The following WDR48 variants were observed in gnomAD, a reference collection of about 807,000 sequenced individuals.
The protein encoded by WDR48 is WD repeat domain 48.
Under a neutral mutation model 94.0 loss-of-function variants are expected in WDR48, and 22 were observed. The ratio of observed to expected loss-of-function variants is 0.23; its 90% CI spans 0.17 to 0.33. The LOEUF (loss-of-function observed/expected upper bound fraction) is 0.33. WDR48 is among the 10% of genes least tolerant of loss of function. The probability of loss-of-function intolerance (pLI) is 1.00; values close to 1 mark genes in which losing one functional copy is unlikely to be tolerated. For synonymous variants in WDR48, 278 were observed against 280.5 expected (o/e 0.99, Z 0.09); for missense variants, 541 against 813.8 (o/e 0.66, Z 4.08).
chr3:39,075,045 C>T (rs2034141348), intron 8 of WDR48, 95 bp downstream of exon 8: 3 of 1,265,648 alleles, frequency 2.4e-6, no homozygotes, highest in African/African-American at 3.0e-5. Flanking sequence ...GACTCAACTG[C>T]AGGGTTCGGA....
intron 1 of WDR48, 148 bp downstream of exon 1, chr3:39,052,221 C>A: frequency 1.1e-6 from 1 of 881,548 alleles, no homozygotes; most frequent in Non-Finnish European, 1.7e-6. Flanking sequence ...GGTGGGGCCG[C>A]GGCGCTAACG....
chr3:39,093,794 T>A, intron 17 of WDR48, 80 bp from the exon 18 acceptor site: 1 of 1,322,614 alleles, frequency 7.6e-7, no homozygotes, highest in Non-Finnish European at 9.8e-7. Context: ...TTAAAATGTT[T>A]GCATCAAAGA....
Position 39,069,891 on chromosome 3 carries a change from A to G in WDR48, c.672+147A>G, listed in dbSNP as rs186397431. The G allele has an allele frequency of 2.5e-4, 143 of 570,434 alleles. 1 individual carries two copies. The African/African-American group carries it at 2.6e-3, about 10-fold the overall frequency. 35.3% of individuals were successfully genotyped at this position (570,434 alleles called of 1,614,324 possible). A position where few individuals can be genotyped will look rare whatever the true frequency, so the allele number is the denominator to read the frequency against. On this transcript the variant is annotated intron_variant, in intron 7 of 18. Transcript: ENST00000302313. ...AATTTTAAAATACTAAATTGCACAT[A>G]TAAGCTACATTTAAAAACTATTCTA... is the stretch of plus-strand genomic sequence containing the variant.
chr3:39,066,660 G>A lies in WDR48; in HGVS notation c.351+30G>A, dbSNP rs200047703. On this transcript the variant is annotated intron_variant, in intron 4 of 18. Coordinates refer to ENST00000302313, the MANE Select transcript of WDR48 (RefSeq NM_020839.4). ...AACAATACAGTTCTCAGTGTCTTTA[G>A]TGTAATATTGGGATCTCAGTACTTT... 4 of 1,613,100 alleles carry A rather than the reference G, an allele frequency of 2.5e-6. No individual in the cohort carries two copies. In the South Asian group the frequency reaches 3.3e-5, roughly 13 times the overall value.
At chr3:39,071,008 G>T (rs944561334) in intron 7 of WDR48, among the ~76,000 whole-genome samples, 2 of 152,150 alleles carry the variant, frequency 1.3e-5, no homozygotes, top group African/African-American at 4.8e-5. Context: ...CAAAGGACAT[G>T]AACTCATCAT....
In WDR48 at chr3:39,052,312, G is replaced by A. The variant is rs895424291; in HGVS notation, c.48+239G>A. ...CCCTCGTGGGCGGCATTCTGAGCCC[G>A]GGATTGCTTGTCGCCGCTCTTCTGT... On this transcript the variant is annotated intron_variant, in intron 1 of 18. Coordinates refer to ENST00000302313, the MANE Select transcript of WDR48 (RefSeq NM_020839.4). The A allele has an allele frequency of 1.1e-4, 55 of 521,670 alleles. 1 individual carries two copies. Among genetic ancestry groups the A allele is most frequent in the Middle Eastern group, 5.3e-4 (1 of 1,898 alleles). 32.3% of individuals were successfully genotyped at this position (521,670 alleles called of 1,614,324 possible).
intron 1 of WDR48, among the ~76,000 whole-genome samples, chr3:39,052,941 C>T (rs2032565002): frequency 6.6e-6 from 1 of 152,126 alleles, no homozygotes; most frequent in South Asian, 2.1e-4. Context: ...TTGATGGGTA[C>T]AGCAAACCAG....
At chr3:39,080,125 A>T (rs1169754189) in intron 11 of WDR48, among the ~76,000 whole-genome samples, 1 of 151,564 alleles carries the variant, frequency 6.6e-6, no homozygotes, top group Admixed American at 6.6e-5. Context: ...AGGAGGGGGC[A>T]GGTAGGGGGC....
chr3:39,078,389 G>A lies in WDR48; in HGVS notation c.1075+150G>A, dbSNP rs2034341070. ...GGTTTATTTTTAATATAAGGAAAAG[G>A]TTTTTTTTTGTTTGTTTGTTTTGCT... On this transcript the variant is annotated intron_variant, in intron 10 of 18. Transcript: ENST00000302313. 4.8e-6 allele frequency: 3 copies of A among 624,270 alleles called. No homozygotes were observed. In the South Asian group the frequency reaches 6.2e-5, roughly 13 times the overall value. 38.7% of individuals were successfully genotyped at this position (624,270 alleles called of 1,614,324 possible).
intron 1 of WDR48, among the ~76,000 whole-genome samples, chr3:39,053,891 T>G (rs57836118): frequency 0.082 from 12,552 of 152,242 alleles, 734 homozygotes; most frequent in African/African-American, 0.16. Flanking sequence ...AATTCCACTT[T>G]TCACTGGTCA....
chr3:39,087,620 A>G (rs1382013157), intron 14 of WDR48, among the ~76,000 whole-genome samples: 1 of 152,218 alleles, frequency 6.6e-6, no homozygotes, highest in Non-Finnish European at 1.5e-5. Flanking sequence ...CCCCGTCTCA[A>G]AGAAAAAACA....
In WDR48 at chr3:39,078,246, A is replaced by G; in HGVS notation, c.1075+7A>G. 1 of 1,596,668 alleles carries G rather than the reference A, an allele frequency of 6.3e-7. No homozygotes were observed. The highest frequency in any genetic ancestry group is 1.3e-5 in the African/African-American group (1 of 74,468). The stretch of plus-strand genomic sequence containing the variant: ...CCTGACCAGGTTATTAAAGGTAAGA[A>G]AATGGAAGGTACTGTACCCCTTATT... On this transcript the variant is annotated splice_region_variant and intron_variant, in intron 10 of 18. Coordinates refer to ENST00000302313, the MANE Select transcript of WDR48 (RefSeq NM_020839.4).
At position 39,091,683 on chromosome 3, in the gene WDR48, G is replaced by A; in HGVS notation, c.1727G>A (p.Gly576Glu). 1 of 1,604,726 alleles carries A rather than the reference G, an allele frequency of 6.2e-7. No individual in the cohort carries two copies. The highest frequency in any genetic ancestry group is 8.5e-7 in the Non-Finnish European group (1 of 1,177,248). The change falls in exon 17 of 19, where the codon GGA becomes GAA. Residue 576 changes from glycine to glutamate, a missense_variant. Around this residue, in one of 5 missense-constraint regions of WDR48, gnomAD observed 109 missense variants for 195.5 expected, o/e 0.56. Coordinates refer to ENST00000302313, the MANE Select transcript of WDR48 (RefSeq NM_020839.4). Reference protein sequence around the residue: ...PFYLQPHASSGAKTLKKDRLS... With the variant: ...PFYLQPHASSEAKTLKKDRLS... ...TACCTCCAACCTCATGCATCTTCAGGAGCAAAAACCTTAAAAAAGTAAGTA... is the reference window on the plus strand; with the variant it reads ...TACCTCCAACCTCATGCATCTTCAGAAGCAAAAACCTTAAAAAAGTAAGTA...
chr3:39,082,463 G>C (rs1204045898), intron 11 of WDR48, among the ~76,000 whole-genome samples: 2 of 151,990 alleles, frequency 1.3e-5, no homozygotes, highest in East Asian at 3.9e-4. Context: ...TGTATTTTTA[G>C]TAGAGACAGC....
At chr3:39,060,027 T>C (rs1265348790) in intron 1 of WDR48, among the ~76,000 whole-genome samples, 1 of 152,208 alleles carries the variant, frequency 6.6e-6, no homozygotes. Context: ...ATTATTCTCT[T>C]AGTCTTGCTC....
intron 1 of WDR48, among the ~76,000 whole-genome samples, chr3:39,061,415 C>T (rs1428791628): frequency 6.6e-6 from 1 of 152,130 alleles, no homozygotes; most frequent in African/African-American, 2.4e-5. Context: ...CATGTCCCTG[C>T]AAAGGACATG....
intron 5 of WDR48, among the ~76,000 whole-genome samples, chr3:39,067,513 C>A (rs893906787): frequency 1.3e-5 from 2 of 152,146 alleles, no homozygotes; most frequent in African/African-American, 4.8e-5. Flanking sequence ...CAGGCTCATA[C>A]AAGTCTAGAT....
At chr3:39,094,570 A>G (rs2035244357) in intron 18 of WDR48, 78 bp from the exon 19 acceptor site, 1 of 1,581,584 alleles carries the variant, frequency 6.3e-7, no homozygotes, top group Non-Finnish European at 8.6e-7. Flanking sequence ...GGATCACCTG[A>G]TGAGAGTCCC....
chr3:39,082,801 C>T (rs1191623394), intron 11 of WDR48, among the ~76,000 whole-genome samples: 2 of 152,152 alleles, frequency 1.3e-5, no homozygotes, highest in Non-Finnish European at 2.9e-5. Flanking sequence ...TGTACAGTCT[C>T]ATGCACAGTT....
Sources: allele counts gnomAD v4.1 joint callset (sites outside exome capture counted in the v4.1 genomes callset), GRCh38; gene constraint gnomAD v4.1.1; regional missense constraint gnomAD v4.1.1; transcripts MANE v1.5; gene names NCBI Gene and HGNC (gene_info 2026-07-23, HGNC 2026-07-21).